The following ESYT3 variants were observed in gnomAD, a reference collection of about 807,000 sequenced individuals.
ESYT3 encodes extended synaptotagmin-3.
A neutral mutation model predicts 111.5 loss-of-function variants in ESYT3; 101 were observed. That is an observed-to-expected ratio of 0.91 (90% confidence interval 0.77 to 1.07). The LOEUF is 1.07. Ranked by LOEUF, ESYT3 falls within the 50% of genes least tolerant of loss-of-function variation. ESYT3 has a pLI of 0.00. For missense variants in ESYT3, 1,097 were observed against 1,109.4 expected, an observed-to-expected ratio of 0.99 and a Z score of 0.16; for synonymous variants, 416 against 446.8, an observed-to-expected ratio of 0.93 and a Z score of 0.87.
In ESYT3 at chr3:138,473,651, G is replaced by A. The variant is rs752624549; in HGVS notation, c.2336+17G>A. Reference sequence around the variant, plus strand: ...TGGCTGCAGGTAAAGGGATTCTAGGGCCAGGGAGGTCCTTTGGGAGCATCA... The same window carrying A: ...TGGCTGCAGGTAAAGGGATTCTAGGACCAGGGAGGTCCTTTGGGAGCATCA... On this transcript the variant is annotated intron_variant, in intron 19 of 22. Coordinates refer to ENST00000389567, the MANE Select transcript of ESYT3 (RefSeq NM_031913.5). The A allele has an allele frequency of 6.8e-6, 11 of 1,608,372 alleles. No individual in the cohort carries two copies. The highest frequency in any genetic ancestry group is 9.4e-6 in the Non-Finnish European group (11 of 1,175,436).
At chr3:138,465,024 G>A (rs184626926) in intron 9 of ESYT3, among the ~76,000 whole-genome samples, 1 of 152,316 alleles carries the variant, frequency 6.6e-6, no homozygotes, top group Non-Finnish European at 1.5e-5. Context: ...GGCAGCTTGG[G>A]GCTTCCTGAT....
chr3:138,462,478 G>T, intron 8 of ESYT3: 1 of 544,598 alleles, frequency 1.8e-6, no homozygotes, highest in South Asian at 3.0e-5. Context: ...TATTTACATT[G>T]ACTTGTTTCA....
At chr3:138,465,471 C>A (rs781079282) in intron 10 of ESYT3, 50 bp downstream of exon 10, 8 of 1,460,086 alleles carry the variant, frequency 5.5e-6, no homozygotes, top group African/African-American at 1.4e-5. Flanking sequence ...TCCCTCCCTG[C>A]GGGGTGCTGG....
At chr3:138,445,474 C>T (rs1475004833) in intron 1 of ESYT3, among the ~76,000 whole-genome samples, 1 of 152,210 alleles carries the variant, frequency 6.6e-6, no homozygotes, top group African/African-American at 2.4e-5. Flanking sequence ...GGCCAGTCAG[C>T]GAGGCCAGGG....
chr3:138,454,262 G>T (rs2032130580), intron 2 of ESYT3, among the ~76,000 whole-genome samples: 1 of 151,932 alleles, frequency 6.6e-6, no homozygotes, highest in South Asian at 2.1e-4. Flanking sequence ...AGAAGGCCAG[G>T]TGCTGTGGCT....
chr3:138,448,718 G>A (rs2031726572), intron 1 of ESYT3, among the ~76,000 whole-genome samples: 1 of 152,176 alleles, frequency 6.6e-6, no homozygotes. Context: ...AAATGGGAAA[G>A]CACTGAGGAT....
chr3:138,456,927 G>A (rs773214956), intron 3 of ESYT3, among the ~76,000 whole-genome samples: 4 of 152,088 alleles, frequency 2.6e-5, no homozygotes, highest in Non-Finnish European at 5.9e-5. Context: ...AGATGTCCCA[G>A]CCCTGCAGGA....
chr3:138,465,298 G>T, intron 9 of ESYT3, 41 bp from the exon 10 acceptor site: 1 of 1,474,426 alleles, frequency 6.8e-7, no homozygotes, highest in South Asian at 1.2e-5. Flanking sequence ...ATGTCAGGTC[G>T]ACTGTTGCCT....
intron 1 of ESYT3, among the ~76,000 whole-genome samples, chr3:138,451,728 C>G (rs551551583): frequency 6.6e-6 from 1 of 152,222 alleles, no homozygotes; most frequent in Non-Finnish European, 1.5e-5. Context: ...CCTGTCCTGC[C>G]CGCCACCGCG....
At chr3:138,458,695 C>T (rs894726476) in intron 4 of ESYT3, among the ~76,000 whole-genome samples, 10 of 152,334 alleles carry the variant, frequency 6.6e-5, no homozygotes, top group Middle Eastern at 3.4e-3. Context: ...TGTGCTGAAG[C>T]CTGACGCCTT....
intron 19 of ESYT3, among the ~76,000 whole-genome samples, 182 bp from the exon 20 acceptor site, chr3:138,474,039 T>C (rs1686989535): frequency 6.6e-6 from 1 of 152,246 alleles, no homozygotes; most frequent in Admixed American, 6.5e-5. Context: ...GCTATTACTT[T>C]TGATCATCAG....
chr3:138,454,928 C>T (rs558838494), intron 2 of ESYT3, among the ~76,000 whole-genome samples: 40 of 152,294 alleles, frequency 2.6e-4, no homozygotes, highest in Admixed American at 7.2e-4. Flanking sequence ...ATGAGTATTT[C>T]TTGGTGCTCT....
chr3:138,437,780 G>A (rs1057458151), intron 1 of ESYT3, among the ~76,000 whole-genome samples: 2 of 152,144 alleles, frequency 1.3e-5, no homozygotes, highest in Non-Finnish European at 2.9e-5. Flanking sequence ...CTTTAGATGC[G>A]TGGTGGCCTC....
intron 1 of ESYT3, among the ~76,000 whole-genome samples, chr3:138,451,162 C>T (rs1017786050): frequency 6.6e-6 from 1 of 152,272 alleles, no homozygotes; most frequent in African/African-American, 2.4e-5. Context: ...TGTCCCTCCA[C>T]TCCACTCACC....
At chr3:138,458,515 A>G (rs560499523) in intron 4 of ESYT3, among the ~76,000 whole-genome samples, 1 of 152,342 alleles carries the variant, frequency 6.6e-6, no homozygotes, top group South Asian at 2.1e-4. Flanking sequence ...GATTTGTGAC[A>G]TTGGGCTCCT....
At chr3:138,453,300 G>A (rs1439919178) in intron 2 of ESYT3, among the ~76,000 whole-genome samples, 1 of 152,182 alleles carries the variant, frequency 6.6e-6, no homozygotes, top group Non-Finnish European at 1.5e-5. Flanking sequence ...ATATAAGACT[G>A]TTGGGATATG....
intron 16 of ESYT3, chr3:138,470,471 C>T: frequency 9.1e-7 from 1 of 1,103,336 alleles, no homozygotes; most frequent in Non-Finnish European, 1.1e-6. Context: ...ATATATGTTT[C>T]ATTTAATCTT....
intron 11 of ESYT3, 93 bp from the exon 12 acceptor site, chr3:138,468,012 C>T: frequency 8.8e-7 from 1 of 1,131,216 alleles, no homozygotes; most frequent in Non-Finnish European, 1.3e-6. Flanking sequence ...CCTGTCCCTA[C>T]TAGGATGCCA....
chr3:138,452,462 A>G (rs2032007357), intron 2 of ESYT3, among the ~76,000 whole-genome samples: 4 of 152,206 alleles, frequency 2.6e-5, no homozygotes, highest in Admixed American at 2.6e-4. Context: ...AGTCTTGGGC[A>G]GACTGCCTAA....
Sources: gnomAD v4.1 joint callset for allele counts (sites outside exome capture counted in the v4.1 genomes callset) on GRCh38, gnomAD v4.1.1 for gene constraint, MANE v1.5 for transcripts, NCBI Gene and HGNC (gene_info 2026-07-23, HGNC 2026-07-21) for gene names.